RYR2: variants seen among roughly 807,000 people sequenced by gnomAD.
RYR2 encodes ryanodine receptor 2.
A neutral mutation model predicts 601.1 loss-of-function variants in RYR2; 227 were observed. The observed-to-expected ratio is 0.38, with a 90% CI of 0.34 to 0.42. The LOEUF (loss-of-function observed/expected upper bound fraction) is 0.42, where lower values mean the gene tolerates loss of function less well. Among genes scored for constraint, RYR2 ranks in the 10% least tolerant of loss-of-function variants. The pLI, the probability that RYR2 is intolerant of heterozygous loss-of-function variation, is 1.00. For synonymous variants in RYR2, 2,223 were observed against 2,175.1 expected (o/e 1.02, Z -0.61); for missense variants, 4,646 against 6,156.5 (o/e 0.75, Z 8.21).
chr1:237,388,018 A>G, intron 9 of RYR2, 69 bp from the exon 10 acceptor site: 1 of 1,372,536 alleles, frequency 7.3e-7, no homozygotes, highest in Non-Finnish European at 1.0e-6. Flanking sequence ...AGATTGGACC[A>G]GATGATCTGT....
At chr1:237,716,869 T>C (rs1388392097) in intron 71 of RYR2, among the ~76,000 whole-genome samples, 1 of 151,960 alleles carries the variant, frequency 6.6e-6, no homozygotes, top group East Asian at 1.9e-4. Context: ...GCATTGAAAA[T>C]TAGAAAGCAC....
intron 91 of RYR2, among the ~76,000 whole-genome samples, chr1:237,786,665 C>T (rs1222556171): frequency 1.3e-5 from 2 of 152,242 alleles, no homozygotes; most frequent in African/African-American, 4.8e-5. Flanking sequence ...TCCCTCATAA[C>T]ACCAGGTTTC....
At chr1:237,608,092 G>A (rs1229578612) in intron 35 of RYR2, among the ~76,000 whole-genome samples, 1 of 152,148 alleles carries the variant, frequency 6.6e-6, no homozygotes, top group Non-Finnish European at 1.5e-5. Context: ...GAAATCAGTT[G>A]TAATTCATCT....
chr1:237,755,555 T>TC (rs1692879890), intron 80 of RYR2, among the ~76,000 whole-genome samples: 1 of 152,234 alleles, frequency 6.6e-6, no homozygotes. Context: ...AAGTGAATGG[T>TC]CATACCAGTC....
chr1:237,383,169 A>T (rs1006003737), intron 8 of RYR2, among the ~76,000 whole-genome samples: 2 of 152,128 alleles, frequency 1.3e-5, no homozygotes, highest in Non-Finnish European at 2.9e-5. Context: ...CCTCATCATA[A>T]AAATGGTGAA....
chr1:237,397,398 G>A (rs1019858982), intron 10 of RYR2, among the ~76,000 whole-genome samples: 4 of 152,214 alleles, frequency 2.6e-5, no homozygotes, highest in South Asian at 2.1e-4. Context: ...TCCCGAGGCC[G>A]TTATGTCACG....
chr1:237,636,329 G>A, intron 44 of RYR2, among the ~76,000 whole-genome samples: 1 of 152,106 alleles, frequency 6.6e-6, no homozygotes, highest in Admixed American at 6.5e-5. Flanking sequence ...TCAGCACTGG[G>A]TAGACACTTA....
chr1:237,364,660 A>G (rs774170700), intron 5 of RYR2, among the ~76,000 whole-genome samples: 1 of 152,026 alleles, frequency 6.6e-6, no homozygotes, highest in Non-Finnish European at 1.5e-5. Context: ...GTTTAGATTT[A>G]ACAACTCAAC....
chr1:237,489,004 A>G (rs1558905645), intron 17 of RYR2, among the ~76,000 whole-genome samples: 1 of 152,332 alleles, frequency 6.6e-6, no homozygotes, highest in African/African-American at 2.4e-5. Flanking sequence ...CGCGTGGACC[A>G]TGAGGTCTGT....
intron 2 of RYR2, among the ~76,000 whole-genome samples, chr1:237,285,939 A>G (rs1223517811): frequency 1.3e-5 from 2 of 152,030 alleles, no homozygotes; most frequent in Admixed American, 6.6e-5. Flanking sequence ...GATCTTGCCA[A>G]TGGTCTATCA....
chr1:237,551,530 C>CAAAAAAA (rs34940458), intron 27 of RYR2, among the ~76,000 whole-genome samples: 3 of 90,502 alleles, frequency 3.3e-5, no homozygotes, highest in African/African-American at 4.4e-5. Flanking sequence ...GACTCCGTCT[C>CAAAAAAA]AAAAAAAAAA....
chr1:237,612,739 C>T (rs1678026427), intron 36 of RYR2, among the ~76,000 whole-genome samples: 1 of 152,118 alleles, frequency 6.6e-6, no homozygotes, highest in African/African-American at 2.4e-5. Flanking sequence ...CTCTACTGAG[C>T]ATGGAATTTT....
At chr1:237,571,296 T>C (rs891471320) in intron 29 of RYR2, among the ~76,000 whole-genome samples, 2 of 140,642 alleles carry the variant, frequency 1.4e-5, no homozygotes, top group Non-Finnish European at 3.0e-5. Flanking sequence ...TCAACCAGTA[T>C]TTCTTTTTCT....
In RYR2 at chr1:237,382,826, CCTTT is replaced by C. The variant is rs372657021; in HGVS notation, c.577-4449_577-4446del. Among the ~76,000 whole-genome samples, 122 of 151,876 alleles carry C rather than the reference CCTTT, an allele frequency of 8.0e-4. 1 individual carries two copies. The East Asian group carries it at 0.019, about 24-fold the overall frequency. The stretch of plus-strand genomic sequence containing the variant: ...TCATTTTTGATTAATTTGCTGTGAG[CCTTT>C]CTTTCCTCTGTGGCTCAGGTAATGG... On this transcript the variant is annotated intron_variant, in intron 8 of 104. Transcript: ENST00000366574.
At chr1:237,479,020 C>G (rs74147286) in intron 17 of RYR2, among the ~76,000 whole-genome samples, 1 of 152,150 alleles carries the variant, frequency 6.6e-6, no homozygotes, top group Non-Finnish European at 1.5e-5. Flanking sequence ...CTGGAGGCTT[C>G]GTAACCCACC....
Position 237,789,788 on chromosome 1 carries a change from T to C in RYR2, c.13477-1641T>C, listed in dbSNP as rs150993678. ...TTGCTATCTTTCTCGGCTCACCGAT[T>C]TGCATGCACATGACCAGTCATGGCC... is the stretch of plus-strand genomic sequence containing the variant. On this transcript the variant is annotated intron_variant, in intron 92 of 104. Transcript: ENST00000366574. 1.5e-4 allele frequency among the ~76,000 whole-genome samples: 23 copies of C among 152,370 alleles called. No individual in the cohort carries two copies. In the East Asian group the frequency reaches 4.4e-3, roughly 29 times the overall value.
chr1:237,612,244 A>T (rs965358758), intron 36 of RYR2, among the ~76,000 whole-genome samples: 1 of 152,170 alleles, frequency 6.6e-6, no homozygotes, highest in Non-Finnish European at 1.5e-5. Context: ...AAATCTTTAG[A>T]AACGAAAAGT....
intron 1 of RYR2, among the ~76,000 whole-genome samples, chr1:237,232,270 C>A (rs1465120442): frequency 6.6e-6 from 1 of 152,186 alleles, no homozygotes; most frequent in Non-Finnish European, 1.5e-5. Context: ...CCACCCCCAA[C>A]ACCCCGGGGA....
intron 1 of RYR2, among the ~76,000 whole-genome samples, chr1:237,186,769 A>G (rs941412640): frequency 2.6e-5 from 4 of 152,200 alleles, no homozygotes; most frequent in Non-Finnish European, 5.9e-5. Flanking sequence ...AAGCCTTCAA[A>G]ACATAATTAT....
Sources: allele counts gnomAD v4.1 joint callset (sites outside exome capture counted in the v4.1 genomes callset), GRCh38; gene constraint gnomAD v4.1.1; transcripts MANE v1.5; gene names NCBI Gene and HGNC (gene_info 2026-07-23, HGNC 2026-07-21).